Variants in DAB1 observed in about 807,000 individuals in gnomAD.
DAB1 encodes the protein disabled homolog 1.
In DAB1, 15 loss-of-function variants were observed where a neutral mutation model predicts 64.6. That is an observed-to-expected ratio of 0.23 (90% confidence interval 0.16 to 0.36). DAB1 has a LOEUF of 0.36. Among genes scored for constraint, DAB1 ranks in the 10% least tolerant of loss-of-function variants. DAB1 has a pLI of 1.00. For synonymous variants in DAB1, 235 were observed against 251.9 expected, an observed-to-expected ratio of 0.93 and a Z score of 0.64; for missense variants, 596 against 706.7, an observed-to-expected ratio of 0.84 and a Z score of 1.78.
At chr1:58,543,931 G>A (rs1361526464) in intron 1 of DAB1, among the ~76,000 whole-genome samples, 1 of 152,146 alleles carries the variant, frequency 6.6e-6, no homozygotes, top group African/African-American at 2.4e-5. Context: ...TGGTGCATCT[G>A]AGGAATGAAA....
chr1:57,355,076 A>C (rs1678958711), intron 1 of DAB1, among the ~76,000 whole-genome samples: 1 of 152,098 alleles, frequency 6.6e-6, no homozygotes. Context: ...CCAGGATGAA[A>C]CAACTACACG....
intron 2 of DAB1, among the ~76,000 whole-genome samples, chr1:57,165,523 C>T (rs934945181): frequency 1.3e-5 from 2 of 152,166 alleles, no homozygotes; most frequent in African/African-American, 4.8e-5. Flanking sequence ...ATGTGACTGC[C>T]ATTGTGCAAG....
intron 2 of DAB1, among the ~76,000 whole-genome samples, chr1:57,227,519 TTGTGTG>T (rs57671970): frequency 0.017 from 2,304 of 135,792 alleles, 30 homozygotes; most frequent in African/African-American, 0.03. Flanking sequence ...TTTTTTTCTT[TTGTGTG>T]TGTGTGTGTG....
chr1:57,794,203 A>G (rs1187130065), intron 6 of DAB1, among the ~76,000 whole-genome samples: 2 of 152,158 alleles, frequency 1.3e-5, no homozygotes, highest in East Asian at 3.9e-4. Flanking sequence ...TGCTTCTATC[A>G]CAATCCAACT....
At position 57,679,574 on chromosome 1, in the gene DAB1, T is replaced by G. The variant is rs149065350; in HGVS notation, n.552-29909A>C. Among the ~76,000 whole-genome samples the G allele has an allele frequency of 8.7e-4, 132 of 152,366 alleles. 2 individuals carry two copies. Among genetic ancestry groups the G allele is most frequent in the African/African-American group, 3.1e-3 (127 of 41,584 alleles). On this transcript the variant is annotated intron_variant and non_coding_transcript_variant, in intron 6 of 20. Transcript: ENST00000485760. ...ACCACTGAATTAATGCTAAAGTTTA[T>G]GTTCTGAATATTTAAACTTCATCTA...
intron 4 of DAB1, among the ~76,000 whole-genome samples, chr1:58,228,105 T>C (rs892696986): frequency 5.9e-5 from 9 of 152,066 alleles, no homozygotes; most frequent in African/African-American, 2.2e-4. Flanking sequence ...GTATCCGAGA[T>C]GAAAAAGACC....
intron 4 of DAB1, among the ~76,000 whole-genome samples, chr1:58,214,093 C>A (rs1329792398): frequency 6.6e-6 from 1 of 152,144 alleles, no homozygotes; most frequent in African/African-American, 2.4e-5. Context: ...GATCTTCATC[C>A]ACCTGCTCCT....
At chr1:57,132,270 C>T (rs1415484915) in intron 4 of DAB1, among the ~76,000 whole-genome samples, 1 of 152,098 alleles carries the variant, frequency 6.6e-6, no homozygotes, top group Non-Finnish European at 1.5e-5. Context: ...TAAGAATTGG[C>T]AAATGTGCAC....
intron 2 of DAB1, among the ~76,000 whole-genome samples, chr1:57,272,129 G>GC (rs2100593567): frequency 6.6e-6 from 1 of 152,254 alleles, no homozygotes; most frequent in South Asian, 2.1e-4. Flanking sequence ...GGGGCTCCAA[G>GC]CCCTCAGGAG....
chr1:58,450,521 G>A lies in DAB1; in HGVS notation n.257+55539C>T, dbSNP rs1645121902. ...TGTAATCCCAGCACTTTGGGAGGCC[G>A]AGGCGGGCGGATCACAAGGTCAGGT... On this transcript the variant is annotated intron_variant and non_coding_transcript_variant, in intron 3 of 20. Coordinates refer to the DAB1 transcript ENST00000485760. Among the ~76,000 whole-genome samples, 4 of 152,140 alleles carry A rather than the reference G, an allele frequency of 2.6e-5. No homozygotes were observed. The South Asian group carries it at 6.2e-4, about 24-fold the overall frequency.
At chr1:58,483,914 A>G (rs1361683378) in intron 3 of DAB1, among the ~76,000 whole-genome samples, 1 of 152,202 alleles carries the variant, frequency 6.6e-6, no homozygotes, top group Non-Finnish European at 1.5e-5. Flanking sequence ...CCTATGTTTA[A>G]GCACTGCACT....
intron 7 of DAB1, among the ~76,000 whole-genome samples, chr1:57,476,087 A>G (rs193086693): frequency 1.8e-4 from 27 of 152,070 alleles, no homozygotes; most frequent in Middle Eastern, 3.4e-3. Context: ...TTAGCTGGGC[A>G]TGGTGGCGCA....
At chr1:57,109,600 T>C (rs1260768432) in intron 4 of DAB1, among the ~76,000 whole-genome samples, 1 of 151,006 alleles carries the variant, frequency 6.6e-6, no homozygotes, top group African/African-American at 2.4e-5. Context: ...ATTACCACAA[T>C]TTTATGAATA....
chr1:58,303,090 T>C (rs928328456), intron 4 of DAB1, among the ~76,000 whole-genome samples: 5 of 152,120 alleles, frequency 3.3e-5, no homozygotes, highest in East Asian at 3.9e-4. Context: ...ACGCTGGAAA[T>C]TGGAGGCAGG....
intron 3 of DAB1, among the ~76,000 whole-genome samples, chr1:58,358,833 TTCTC>T (rs1329214872): frequency 6.6e-6 from 1 of 151,770 alleles, no homozygotes; most frequent in Admixed American, 6.6e-5. Flanking sequence ...CTTTCTGTCT[TTCTC>T]TCTCACTCCT....
At chr1:57,021,005 T>C (rs1183015063) in intron 11 of DAB1, among the ~76,000 whole-genome samples, 6 of 152,168 alleles carry the variant, frequency 3.9e-5, no homozygotes, top group Non-Finnish European at 5.9e-5. Context: ...GCTGGACAAT[T>C]AGTCACAAGG....
chr1:57,427,759 A>T (rs558480605), upstream of DAB1, among the ~76,000 whole-genome samples: 5 of 152,342 alleles, frequency 3.3e-5, no homozygotes, highest in Admixed American at 3.3e-4. Context: ...GATGTACAAG[A>T]TGATGTTTTG....
At chr1:57,242,210 A>G (rs1314609922) in intron 2 of DAB1, among the ~76,000 whole-genome samples, 1 of 152,230 alleles carries the variant, frequency 6.6e-6, no homozygotes, top group African/African-American at 2.4e-5. Flanking sequence ...ATAATCTTCA[A>G]CTTACCCTGA....
At chr1:58,302,674 C>A (rs999587921) in intron 4 of DAB1, among the ~76,000 whole-genome samples, 2 of 151,848 alleles carry the variant, frequency 1.3e-5, no homozygotes, top group Non-Finnish European at 2.9e-5. Context: ...TGAGTCTTCA[C>A]TTTCTCATCT....
Sources: allele counts gnomAD v4.1 joint callset (sites outside exome capture counted in the v4.1 genomes callset), GRCh38; gene constraint gnomAD v4.1.1; transcripts MANE v1.5; gene names NCBI Gene and HGNC (gene_info 2026-07-23, HGNC 2026-07-21).